UBTF: variants seen among roughly 807,000 people sequenced by gnomAD.
The protein encoded by UBTF is upstream binding transcription factor.
Under a neutral mutation model 112.3 loss-of-function variants are expected in UBTF, and 8 were observed. The ratio of observed to expected loss-of-function variants is 0.07; its 90% CI spans 0.04 to 0.13. The LOEUF (loss-of-function observed/expected upper bound fraction) is 0.13. Ranked by LOEUF, UBTF falls within the 10% of genes least tolerant of loss-of-function variation. UBTF has a pLI of 1.00. For synonymous variants in UBTF, 417 were observed against 373.1 expected, an observed-to-expected ratio of 1.12 and a Z score of -1.36; for missense variants, 457 against 982.1, an observed-to-expected ratio of 0.47 and a Z score of 7.15.
chr17:44,220,033 T>TGGTGCTGGCGGCGGCGGC (rs2047096973), upstream of UBTF, among the ~76,000 whole-genome samples: 2 of 97,794 alleles, frequency 2.0e-5, no homozygotes, highest in African/African-American at 8.2e-5. Flanking sequence ...GTGGTGGTGG[T>TGGTGCTGGCGGCGGCGGC]GGTGCTGGCG....
At chr17:44,208,202 C>G (rs1483683192) in intron 17 of UBTF, among the ~76,000 whole-genome samples, 1 of 149,872 alleles carries the variant, frequency 6.7e-6, no homozygotes, top group Non-Finnish European at 1.5e-5. Context: ...TTCCCAGGCT[C>G]AAGTGATCCT....
chr17:44,220,147 TAGGC>T (rs2047109801), upstream of UBTF, among the ~76,000 whole-genome samples: 2 of 139,934 alleles, frequency 1.4e-5, no homozygotes, highest in Non-Finnish European at 3.1e-5. Context: ...GCTCGGAGCC[TAGGC>T]GGGCGGGCGG....
Position 44,209,254 on chromosome 17 carries a change from A to T in UBTF, c.1905+98T>A, listed in dbSNP as rs1443000966. The T allele has an allele frequency of 4.7e-6, 6 of 1,278,082 alleles. No individual in the cohort carries two copies. The African/African-American group carries it at 7.5e-5, about 16-fold the overall frequency. 79.2% of individuals were successfully genotyped at this position (1,278,082 alleles called of 1,614,324 possible). On this transcript the variant is annotated intron_variant, in intron 17 of 20. Coordinates refer to ENST00000436088, the MANE Select transcript of UBTF (RefSeq NM_014233.4). ...AGGGCATGGAATGAAATCATGAATG[A>T]GACCAGCCAGCACAAGTGGGTGGAT...
chr17:44,216,758 T>A, intron 2 of UBTF, 54 bp from the exon 3 acceptor site: 1 of 1,581,450 alleles, frequency 6.3e-7, no homozygotes, highest in Non-Finnish European at 8.7e-7. Context: ...CCCCCCGATC[T>A]GTTCCCCAGT....
In UBTF at chr17:44,206,073, G is replaced by C. The variant is rs1288783168; in HGVS notation, c.*1169C>G. ...TTGAAGCCCAGGTTCTGAGCCTGGG[G>C]TGGCCAGGCTTGGCCTCTCAGATGA... On this transcript the variant is annotated 3_prime_UTR_variant, in exon 21 of 21. Transcript: ENST00000436088. The C allele has an allele frequency of 6.6e-6, 1 of 152,180 alleles. No individual in the cohort carries two copies. Among genetic ancestry groups the C allele is most frequent in the African/African-American group, 2.4e-5 (1 of 41,432 alleles). The allele number at this position is 152,180 out of a possible 1,614,324, so 9.4% of individuals were successfully genotyped here.
chr17:44,216,359 G>A (rs748892769), intron 3 of UBTF, 170 bp downstream of exon 3: 5 of 760,282 alleles, frequency 6.6e-6, no homozygotes, highest in Middle Eastern at 3.8e-4. Context: ...TTAAGCCAGT[G>A]CTGTCAACCG....
intron 17 of UBTF, chr17:44,208,913 G>A (rs1042035737): frequency 2.5e-5 from 9 of 358,938 alleles, no homozygotes; most frequent in East Asian, 2.4e-4. Flanking sequence ...GGCTGCGGAC[G>A]GTGGCTCAAG....
chr17:44,216,823 A>G, intron 2 of UBTF, 119 bp from the exon 3 acceptor site: 1 of 990,772 alleles, frequency 1.0e-6, no homozygotes. Context: ...GTTGCTTCCC[A>G]TCTGAAGGCA....
In UBTF at chr17:44,206,815, A is replaced by G; in HGVS notation, c.*427T>C. The G allele has an allele frequency of 4.6e-6, 1 of 218,766 alleles. No homozygotes were observed. 13.6% of individuals were successfully genotyped at this position (218,766 alleles called of 1,614,324 possible). Reference sequence around the variant, plus strand: ...GTTCCAATGCAGGGGTCCAGGTGGCAGGCCCCTCTGGGAAGGAATGGGTCT... The same window carrying G: ...GTTCCAATGCAGGGGTCCAGGTGGCGGGCCCCTCTGGGAAGGAATGGGTCT... On this transcript the variant is annotated 3_prime_UTR_variant, in exon 21 of 21. Coordinates refer to ENST00000436088, the MANE Select transcript of UBTF (RefSeq NM_014233.4).
chr17:44,214,652 G>GCTT (rs58827203), intron 5 of UBTF, among the ~76,000 whole-genome samples: 77,494 of 151,760 alleles, frequency 0.51, 24,138 homozygotes, highest in African/African-American at 0.87. Context: ...CAGACAGCTG[G>GCTT]CTTTTTTGGG....
intron 5 of UBTF, 56 bp from the exon 6 acceptor site, chr17:44,213,338 T>TTC: frequency 6.4e-7 from 1 of 1,569,796 alleles, no homozygotes; most frequent in South Asian, 1.1e-5. Flanking sequence ...CACCCTGAGC[T>TTC]ATGAAGGCCA....
Sources: allele counts gnomAD v4.1 joint callset (sites outside exome capture counted in the v4.1 genomes callset), GRCh38; gene constraint gnomAD v4.1.1; transcripts MANE v1.5; gene names NCBI Gene and HGNC (gene_info 2026-07-23, HGNC 2026-07-21).